Variants in THSD7B observed in about 807,000 individuals in gnomAD.
The protein encoded by THSD7B is thrombospondin type-1 domain-containing protein 7B.
In THSD7B, 138 loss-of-function variants were observed where a neutral mutation model predicts 213.6. That is an observed-to-expected ratio of 0.65 (90% confidence interval 0.56 to 0.74). The LOEUF (loss-of-function observed/expected upper bound fraction) is 0.74, where lower values mean the gene tolerates loss of function less well. Among genes scored for constraint, THSD7B ranks in the 30% least tolerant of loss-of-function variants. THSD7B has a pLI of 0.00. For missense variants in THSD7B, 1,931 were observed against 1,991.5 expected (o/e 0.97, Z 0.58); for synonymous variants, 742 against 687.0 (o/e 1.08, Z -1.25).
chr2:137,008,740 A>G (rs1269411207), intron 2 of THSD7B, among the ~76,000 whole-genome samples: 2 of 152,194 alleles, frequency 1.3e-5, no homozygotes, highest in Non-Finnish European at 2.9e-5. Context: ...ATAAATGTGC[A>G]GAGTATAATA....
chr2:137,126,275 A>G (rs1688627273), intron 5 of THSD7B, among the ~76,000 whole-genome samples: 1 of 152,294 alleles, frequency 6.6e-6, no homozygotes, highest in Non-Finnish European at 1.5e-5. Flanking sequence ...TTTCGTCTAC[A>G]TTAAGAATTG....
At chr2:137,198,813 C>A (rs1294914646) in intron 7 of THSD7B, among the ~76,000 whole-genome samples, 1 of 152,080 alleles carries the variant, frequency 6.6e-6, no homozygotes, top group East Asian at 1.9e-4. Context: ...AACTGGAAGA[C>A]TTTTTGGTGG....
At chr2:137,205,193 G>T (rs1442238821) in intron 7 of THSD7B, among the ~76,000 whole-genome samples, 2 of 152,018 alleles carry the variant, frequency 1.3e-5, no homozygotes. Context: ...TGCCAGTGAA[G>T]GTGAAAAAAC....
At position 137,322,568 on chromosome 2, in the gene THSD7B, A is replaced by C. The variant is rs1017368592; in HGVS notation, c.2500+46542A>C. The stretch of plus-strand genomic sequence containing the variant: ...CTTCACCAAGCTCATCTATCAAGAC[A>C]GTGTGGGACCAGGATTCAGGCCCAT... On this transcript the variant is annotated intron_variant, in intron 12 of 27. Transcript: ENST00000409968. Among the ~76,000 whole-genome samples, 5 of 152,198 alleles carry C rather than the reference A, an allele frequency of 3.3e-5. No individual in the cohort carries two copies. In the South Asian group the frequency reaches 8.3e-4, roughly 25 times the overall value.
intron 15 of THSD7B, among the ~76,000 whole-genome samples, chr2:137,488,645 A>G (rs1688529433): frequency 6.6e-6 from 1 of 152,210 alleles, no homozygotes; most frequent in African/African-American, 2.4e-5. Context: ...GCATGCATAC[A>G]ACACAGTGTA....
chr2:137,076,026 G>A (rs1006284561), intron 3 of THSD7B, among the ~76,000 whole-genome samples: 11 of 152,116 alleles, frequency 7.2e-5, no homozygotes, highest in Admixed American at 5.9e-4. Context: ...TAGGCTACTC[G>A]GGGGTCAGGG....
At chr2:137,675,847 C>T (rs1248833340) in intron 27 of THSD7B, among the ~76,000 whole-genome samples, 1 of 152,102 alleles carries the variant, frequency 6.6e-6, no homozygotes, top group Non-Finnish European at 1.5e-5. Context: ...TTTATAAATA[C>T]AAGTTAAGAT....
At chr2:136,851,813 G>A (rs1264622568) in intron 1 of THSD7B, among the ~76,000 whole-genome samples, 3 of 151,964 alleles carry the variant, frequency 2.0e-5, no homozygotes, top group Non-Finnish European at 4.4e-5. Context: ...CAAGGGATGT[G>A]GAAATATCCT....
chr2:137,567,932 A>G (rs1193937730), intron 16 of THSD7B, among the ~76,000 whole-genome samples: 1 of 152,166 alleles, frequency 6.6e-6, no homozygotes. Flanking sequence ...GGGAACTCCA[A>G]CATTCATGGA....
chr2:137,568,650 G>A (rs1391703871), intron 16 of THSD7B, among the ~76,000 whole-genome samples: 1 of 152,172 alleles, frequency 6.6e-6, no homozygotes, highest in Non-Finnish European at 1.5e-5. Context: ...GGCAGTAGGA[G>A]AAAGTGAGTG....
intron 2 of THSD7B, among the ~76,000 whole-genome samples, chr2:137,055,204 C>T (rs1390619267): frequency 6.6e-6 from 1 of 152,066 alleles, no homozygotes; most frequent in African/African-American, 2.4e-5. Flanking sequence ...GGGTTGGTTC[C>T]AAGTCTTTGC....
intron 15 of THSD7B, among the ~76,000 whole-genome samples, chr2:137,457,781 A>C (rs1687791239): frequency 6.6e-6 from 1 of 152,156 alleles, no homozygotes; most frequent in Admixed American, 6.6e-5. Context: ...TATGTGTGTA[A>C]ATTTTTTATA....
At chr2:137,312,483 G>T (rs1211571605) in intron 12 of THSD7B, among the ~76,000 whole-genome samples, 1 of 149,820 alleles carries the variant, frequency 6.7e-6, no homozygotes, top group African/African-American at 2.5e-5. Context: ...ATTTTTTGAA[G>T]GGTTTTTTGT....
chr2:136,798,378 G>C (rs1357035912), intron 1 of THSD7B, among the ~76,000 whole-genome samples: 1 of 151,928 alleles, frequency 6.6e-6, no homozygotes, highest in Non-Finnish European at 1.5e-5. Context: ...TGATTATAGA[G>C]TTACAGATTG....
At chr2:136,785,904 C>T (rs1367746136) in intron 1 of THSD7B, among the ~76,000 whole-genome samples, 1 of 151,968 alleles carries the variant, frequency 6.6e-6, no homozygotes, top group Non-Finnish European at 1.5e-5. Context: ...TAGATTAAGT[C>T]AAGGACCAAG....
intron 12 of THSD7B, among the ~76,000 whole-genome samples, chr2:137,303,730 ATATATATATT>A (rs1683670199): frequency 1.6e-5 from 2 of 126,686 alleles, no homozygotes; most frequent in Non-Finnish European, 3.2e-5. Context: ...ATATATATTT[ATATATATATT>A]TATATATATA....
At chr2:136,881,848 C>CT (rs898915877) in intron 1 of THSD7B, among the ~76,000 whole-genome samples, 8 of 152,068 alleles carry the variant, frequency 5.3e-5, no homozygotes, top group African/African-American at 1.7e-4. Flanking sequence ...TTACATTGAT[C>CT]TTTTTTTACC....
At chr2:137,610,901 G>A (rs562738983) in intron 17 of THSD7B, among the ~76,000 whole-genome samples, 1 of 151,296 alleles carries the variant, frequency 6.6e-6, no homozygotes, top group Admixed American at 6.6e-5. Flanking sequence ...AAATATTCTA[G>A]AGAGAAAAAT....
chr2:137,520,034 G>C (rs573067414), intron 15 of THSD7B, among the ~76,000 whole-genome samples: 1 of 152,190 alleles, frequency 6.6e-6, no homozygotes, highest in African/African-American at 2.4e-5. Context: ...CAGGGACATC[G>C]TGAGAGAGAT....
Sources: gnomAD v4.1 joint callset for allele counts (sites outside exome capture counted in the v4.1 genomes callset) on GRCh38, gnomAD v4.1.1 for gene constraint, MANE v1.5 for transcripts, NCBI Gene and HGNC (gene_info 2026-07-23, HGNC 2026-07-21) for gene names.